PTPRA: variants seen among roughly 807,000 people sequenced by gnomAD.
The protein encoded by PTPRA is protein tyrosine phosphatase receptor type A, also known as receptor-type tyrosine-protein phosphatase alpha.
In PTPRA, 25 loss-of-function variants were observed where a neutral mutation model predicts 104.8. The ratio of observed to expected loss-of-function variants is 0.24; its 90% CI spans 0.17 to 0.33. The LOEUF (loss-of-function observed/expected upper bound fraction) is 0.33, where lower values mean the gene tolerates loss of function less well. Among genes scored for constraint, PTPRA ranks in the 10% least tolerant of loss-of-function variants. The probability of loss-of-function intolerance (pLI) is 1.00; values close to 1 mark genes in which losing one functional copy is unlikely to be tolerated. For missense variants in PTPRA, 765 were observed against 1,015.3 expected (o/e 0.75, Z 3.35); for synonymous variants, 323 against 368.9 (o/e 0.88, Z 1.43).
intron 6 of PTPRA, among the ~76,000 whole-genome samples, chr20:2,979,496 A>C (rs1056182261): frequency 1.3e-5 from 2 of 152,086 alleles, no homozygotes; most frequent in Admixed American, 6.5e-5. Flanking sequence ...TTTGGTTTTC[A>C]GTTATATCAG....
intron 4 of PTPRA, 77 bp downstream of exon 4, chr20:2,964,427 G>A (rs538266425): frequency 7.4e-6 from 9 of 1,208,634 alleles, no homozygotes; most frequent in South Asian, 4.1e-5. Flanking sequence ...TTTGAAAACC[G>A]AGATGGTATT....
At chr20:2,898,056 G>T (rs1197150906) in intron 1 of PTPRA, among the ~76,000 whole-genome samples, 1 of 151,222 alleles carries the variant, frequency 6.6e-6, no homozygotes, top group Non-Finnish European at 1.5e-5. Flanking sequence ...GGGATTGTAG[G>T]CACCTGCCAC....
In PTPRA at chr20:2,995,586, G is replaced by A. The variant is rs183983699; in HGVS notation, c.738+7112G>A. Among the ~76,000 whole-genome samples the A allele has an allele frequency of 2.7e-4, 41 of 152,210 alleles. 1 individual carries two copies. The highest frequency in any genetic ancestry group is 1.8e-3 in the Admixed American group (27 of 15,292). On this transcript the variant is annotated intron_variant, in intron 9 of 23. Coordinates refer to ENST00000399903, the MANE Select transcript of PTPRA (RefSeq NM_001385305.1). The stretch of plus-strand genomic sequence containing the variant: ...ATTTTTGGAAATTAACTTTCTTTGG[G>A]TCCTCTCTTTTATCATCATTTCTGT...
chr20:2,966,887 C>T (rs2061966936), intron 5 of PTPRA, among the ~76,000 whole-genome samples: 1 of 152,088 alleles, frequency 6.6e-6, no homozygotes, highest in South Asian at 2.1e-4. Context: ...ATTTTAGTAA[C>T]AACATAAAAT....
At chr20:2,957,280 G>A (rs979703653) in intron 3 of PTPRA, among the ~76,000 whole-genome samples, 2 of 151,994 alleles carry the variant, frequency 1.3e-5, no homozygotes, top group African/African-American at 2.4e-5. Flanking sequence ...GCGAGACTCC[G>A]TCTCAAATAA....
rs371625670 is a variant in PTPRA, at chr20:2,951,074, GTGTTTGTT to G, written c.-7+3064_-7+3071del. On this transcript the variant is annotated intron_variant, in intron 3 of 23. Transcript: ENST00000399903. ...AATCATGTAGTATAGTATTAACCATGTGTTTGTTTGTTTGTTTGTTTCTTTCTTTCTTT... is the reference window on the plus strand; with the variant it reads ...AATCATGTAGTATAGTATTAACCATGTGTTTGTTTGTTTCTTTCTTTCTTT... Among the ~76,000 whole-genome samples, 4 of 151,924 alleles carry G rather than the reference GTGTTTGTT, an allele frequency of 2.6e-5. 1 individual carries two copies. The highest frequency in any genetic ancestry group is 4.8e-5 in the African/African-American group (2 of 41,392).
intron 2 of PTPRA, among the ~76,000 whole-genome samples, chr20:2,945,391 T>C (rs1054400164): frequency 2.0e-5 from 3 of 152,174 alleles, no homozygotes; most frequent in African/African-American, 7.2e-5. Flanking sequence ...TCTTCAATCA[T>C]TTTAATTCAG....
intron 1 of PTPRA, among the ~76,000 whole-genome samples, chr20:2,902,583 T>C (rs924728852): frequency 6.6e-6 from 1 of 152,210 alleles, no homozygotes; most frequent in African/African-American, 2.4e-5. Context: ...TGATTCCAGG[T>C]CATCCTAGAG....
rs1021630128 is a variant in PTPRA at position 2,946,849 on chromosome 20, GA to G, written c.-49-1121del. On this transcript the variant is annotated intron_variant, in intron 2 of 23. Transcript: ENST00000399903. ...GGCAACAGAGCGAGACTCCTTCTCA[GA>G]AAAAAAAAAAATAATAATAATAAAA... Among the ~76,000 whole-genome samples the G allele has an allele frequency of 3.2e-4, 47 of 145,298 alleles. 1 individual carries two copies. Among genetic ancestry groups the G allele is most frequent in the African/African-American group, 4.2e-4 (17 of 40,000 alleles).
At position 2,923,217 on chromosome 20, in the gene PTPRA, TAA is replaced by T; in HGVS notation, c.-110_-109del. ...TTCCTTTTGTTGCAGGTGACACAAC[TAA>T]AAAAAAACAAAGGTATTTATGGAAT... On this transcript the variant is annotated 5_prime_UTR_variant, in exon 2 of 24. Transcript: ENST00000399903. The T allele has an allele frequency of 8.3e-7, 1 of 1,201,790 alleles. No individual in the cohort carries two copies. The highest frequency in any genetic ancestry group is 1.1e-6 in the Non-Finnish European group (1 of 921,960). The allele number at this position is 1,201,790 out of a possible 1,614,324, so 74.4% of individuals were successfully genotyped here. A position where few individuals can be genotyped will look rare whatever the true frequency, so the allele number is the denominator to read the frequency against.
intron 3 of PTPRA, among the ~76,000 whole-genome samples, chr20:2,960,876 T>A (rs541976047): frequency 6.6e-6 from 1 of 152,178 alleles, no homozygotes; most frequent in East Asian, 1.9e-4. Flanking sequence ...AGTGATCTTT[T>A]ACTGTCTCCA....
chr20:3,003,894 C>G (rs532258899), intron 9 of PTPRA, among the ~76,000 whole-genome samples: 1 of 151,910 alleles, frequency 6.6e-6, no homozygotes, highest in African/African-American at 2.4e-5. Context: ...AAGAGGAGAA[C>G]AGATCAAATA....
chr20:2,948,142 A>G (rs1222646054), intron 3 of PTPRA, 118 bp downstream of exon 3: 5 of 421,910 alleles, frequency 1.2e-5, no homozygotes, highest in South Asian at 4.0e-5. Flanking sequence ...GTGGGGGTGC[A>G]TAGTAAAGGA....
At chr20:2,881,044 C>T (rs928991140) in intron 1 of PTPRA, among the ~76,000 whole-genome samples, 4 of 151,044 alleles carry the variant, frequency 2.6e-5, no homozygotes, top group African/African-American at 7.3e-5. Context: ...CATAGTGGGT[C>T]ACACCTGTAA....
At chr20:2,881,196 A>C (rs2090029400) in intron 1 of PTPRA, among the ~76,000 whole-genome samples, 1 of 151,838 alleles carries the variant, frequency 6.6e-6, no homozygotes, top group Non-Finnish European at 1.5e-5. Flanking sequence ...GGGTAATTTC[A>C]GCTACTCGGG....
intron 2 of PTPRA, among the ~76,000 whole-genome samples, chr20:2,940,497 A>G (rs1349235858): frequency 6.6e-6 from 1 of 152,122 alleles, no homozygotes; most frequent in African/African-American, 2.4e-5. Context: ...AAGGATTGGC[A>G]AACTATAATC....
At chr20:2,943,705 A>G (rs572471713) in intron 2 of PTPRA, among the ~76,000 whole-genome samples, 2 of 152,324 alleles carry the variant, frequency 1.3e-5, no homozygotes, top group Admixed American at 1.3e-4. Context: ...TAACAAAGTC[A>G]TACTTCTGCT....
intron 1 of PTPRA, among the ~76,000 whole-genome samples, chr20:2,883,651 C>CAAAAAAAAAAAAAAAAAAAAAAAAAAA (rs71195803): frequency 3.1e-4 from 1 of 3,250 alleles, no homozygotes; most frequent in African/African-American, 4.0e-3. Flanking sequence ...GACTCCGTCT[C>CAAAAAAAAAAAAAAAAAAAAAAAAAAA]AAAAAAAAAA....
At chr20:3,002,284 A>G (rs923784408) in intron 9 of PTPRA, among the ~76,000 whole-genome samples, 5 of 150,560 alleles carry the variant, frequency 3.3e-5, no homozygotes, top group African/African-American at 1.2e-4. Flanking sequence ...TGCTCTTCCC[A>G]GTCCACTTTT....
Sources: allele counts gnomAD v4.1 joint callset (sites outside exome capture counted in the v4.1 genomes callset), GRCh38; gene constraint gnomAD v4.1.1; transcripts MANE v1.5; gene names NCBI Gene and HGNC (gene_info 2026-07-23, HGNC 2026-07-21).